The following ANKRD33B variants were observed in gnomAD, a reference collection of about 807,000 sequenced individuals.
ANKRD33B encodes the protein ankyrin repeat domain 33B.
A neutral mutation model predicts 21.5 loss-of-function variants in ANKRD33B; 6 were observed. That is an observed-to-expected ratio of 0.28 (90% CI 0.15 to 0.55). The LOEUF (loss-of-function observed/expected upper bound fraction) is 0.55. ANKRD33B is among the 20% of genes least tolerant of loss of function. The probability of loss-of-function intolerance (pLI) is 0.94; values close to 1 mark genes in which losing one functional copy is unlikely to be tolerated. For missense variants in ANKRD33B, 698 were observed against 747.2 expected, an observed-to-expected ratio of 0.93 and a Z score of 0.77; for synonymous variants, 347 against 342.4, an observed-to-expected ratio of 1.01 and a Z score of -0.15.
intron 2 of ANKRD33B, among the ~76,000 whole-genome samples, chr5:10,633,374 C>G (rs551588667): frequency 5.3e-5 from 8 of 152,374 alleles, no homozygotes; most frequent in Admixed American, 4.6e-4. Flanking sequence ...GCTGGGATTA[C>G]AGGCGTGCGC....
At chr5:10,593,049 T>C (rs13162290) in intron 1 of ANKRD33B, among the ~76,000 whole-genome samples, 136,200 of 152,168 alleles carry the variant, frequency 0.9, 60,988 homozygotes, top group Middle Eastern at 0.96. Context: ...CACCACCCCG[T>C]ATCCACCCCT....
chr5:10,569,607 A>AATAC (rs1217607573), intron 1 of ANKRD33B, among the ~76,000 whole-genome samples: 1 of 151,528 alleles, frequency 6.6e-6, no homozygotes, highest in African/African-American at 2.4e-5. Flanking sequence ...AAAATAAATA[A>AATAC]ATAAATAAAT....
chr5:10,569,405 T>G (rs1043208078), intron 1 of ANKRD33B, among the ~76,000 whole-genome samples: 1 of 152,096 alleles, frequency 6.6e-6, no homozygotes, highest in African/African-American at 2.4e-5. Flanking sequence ...GAGAACAGCC[T>G]GGGCAACATG....
At chr5:10,574,081 C>G (rs1162356387) in intron 1 of ANKRD33B, among the ~76,000 whole-genome samples, 2 of 152,268 alleles carry the variant, frequency 1.3e-5, no homozygotes, top group African/African-American at 4.8e-5. Flanking sequence ...TTTACACACG[C>G]ACAAACATGC....
At chr5:10,601,709 T>C (rs1460171491) in intron 1 of ANKRD33B, among the ~76,000 whole-genome samples, 1 of 152,200 alleles carries the variant, frequency 6.6e-6, no homozygotes, top group Non-Finnish European at 1.5e-5. Flanking sequence ...GGTGCAGCCC[T>C]CCTCCCTGCG....
chr5:10,640,021 GCGA>G (rs1338487697), intron 3 of ANKRD33B, among the ~76,000 whole-genome samples: 1 of 88,052 alleles, frequency 1.1e-5, no homozygotes, highest in Non-Finnish European at 2.6e-5. Flanking sequence ...GAGTTGCGCG[GCGA>G]TGTTAGCGGG....
At chr5:10,581,862 G>C (rs1560963234) in intron 1 of ANKRD33B, among the ~76,000 whole-genome samples, 1 of 152,170 alleles carries the variant, frequency 6.6e-6, no homozygotes, top group Non-Finnish European at 1.5e-5. Flanking sequence ...TTTTGGACTT[G>C]CCAGCCCCCA....
chr5:10,633,250 C>T (rs543049178), intron 2 of ANKRD33B, among the ~76,000 whole-genome samples: 73 of 152,070 alleles, frequency 4.8e-4, no homozygotes, highest in African/African-American at 1.6e-3. Flanking sequence ...TACAGGTGCA[C>T]GCCACCACGC....
intron 1 of ANKRD33B, among the ~76,000 whole-genome samples, chr5:10,589,010 C>T (rs369825276): frequency 3.0e-4 from 45 of 152,268 alleles, no homozygotes; most frequent in East Asian, 2.5e-3. Flanking sequence ...GCAGTCTTCA[C>T]GCAGCTCCTG....
At chr5:10,592,488 G>C (rs1263302881) in intron 1 of ANKRD33B, among the ~76,000 whole-genome samples, 1 of 149,472 alleles carries the variant, frequency 6.7e-6, no homozygotes, top group Non-Finnish European at 1.5e-5. Context: ...TTAGGTGGAC[G>C]TGGTGGCGGC....
intron 1 of ANKRD33B, among the ~76,000 whole-genome samples, chr5:10,591,733 T>C (rs886916543): frequency 6.6e-6 from 1 of 152,184 alleles, no homozygotes; most frequent in African/African-American, 2.4e-5. Flanking sequence ...TTTGCTATTT[T>C]TTGGTTTTTC....
chr5:10,646,932 G>A (rs112891450), intron 3 of ANKRD33B, among the ~76,000 whole-genome samples: 6 of 152,322 alleles, frequency 3.9e-5, no homozygotes, highest in African/African-American at 1.4e-4. Context: ...ACCTTCCTCA[G>A]TTCAGCACAC....
Position 10,576,824 on chromosome 5 carries a change from T to TA in ANKRD33B, c.366+11995dup, listed in dbSNP as rs1735330729. 6.6e-6 allele frequency among the ~76,000 whole-genome samples: 1 copy of TA among 152,178 alleles called. No individual in the cohort carries two copies. The highest frequency in any genetic ancestry group is 1.5e-5 in the Non-Finnish European group (1 of 68,024). On this transcript the variant is annotated intron_variant, in intron 1 of 3. Coordinates refer to ENST00000296657, the MANE Select transcript of ANKRD33B (RefSeq NM_001164440.2). The surrounding 1 kb of genome is among the most constrained non-coding windows in gnomAD (Gnocchi z 4.1). ...ATGGTGAGGCCTCTTTTGTAACTGT[T>TA]AAAAGTGGCAGCCAGTGCCATGGGG...
At position 10,638,043 on chromosome 5, in the gene ANKRD33B, C is replaced by G; in HGVS notation, c.512C>G (p.Thr171Ser). 1.3e-6 allele frequency: 2 copies of G among 1,537,692 alleles called. No homozygotes were observed. The highest frequency in any genetic ancestry group is 1.7e-6 in the Non-Finnish European group (2 of 1,146,970). The change falls in exon 3 of 4, where the codon ACT (threonine) becomes AGT (serine). Residue 171 changes from threonine (T) to serine (S), a missense_variant. Thr to Ser is a moderately conservative substitution (Grantham distance 58, BLOSUM62 1). This residue lies in a region of ANKRD33B where 543 missense variants were observed against 566.5 expected (regional missense o/e 0.96). Transcript: ENST00000296657. ...TAAQAGHAII[T>S]NYLLNYFPGL... ...CTCTTTACAGGGCACGCTATCATCA[C>G]TAACTACTTGTTGAACTATTTCCCT...
intron 1 of ANKRD33B, among the ~76,000 whole-genome samples, chr5:10,606,756 T>C (rs1273747978): frequency 1.4e-5 from 2 of 143,598 alleles, no homozygotes; most frequent in Admixed American, 7.1e-5. Flanking sequence ...TGAGGTGGAG[T>C]CTTGCTCTGT....
intron 1 of ANKRD33B, 146 bp from the exon 2 acceptor site, chr5:10,618,187 A>G: frequency 1.8e-6 from 2 of 1,119,998 alleles, no homozygotes; most frequent in South Asian, 3.1e-5. Flanking sequence ...CTCACTCTAA[A>G]CCATCTCTGA....
At chr5:10,575,411 C>T (rs1455896990) in intron 1 of ANKRD33B, among the ~76,000 whole-genome samples, 4 of 7,976 alleles carry the variant, frequency 5.0e-4, no homozygotes, top group South Asian at 0.025. Context: ...GGCAACAGAG[C>T]GAGACTGTCT....
Position 10,649,817 on chromosome 5 carries a change from G to T in ANKRD33B, c.1189G>T (p.Ala397Ser). The change falls in exon 4 of 4, where the codon GCA becomes TCA. Residue 397 changes from alanine to serine, a missense_variant. Around this residue, in one of 3 missense-constraint regions of ANKRD33B, gnomAD observed 543 missense variants for 566.5 expected, o/e 0.96. Coordinates refer to ENST00000296657, the MANE Select transcript of ANKRD33B (RefSeq NM_001164440.2). Reference sequence around the variant, plus strand: ...TCCCGCCCTGGGGTCCCGGGGCCCCGCAGCGCCCGCCCCGCGGAAGGCCAG... The same window carrying T: ...TCCCGCCCTGGGGTCCCGGGGCCCCTCAGCGCCCGCCCCGCGGAAGGCCAG... ...LPPALGSRGP[A>S]APAPRKASLL... 7.2e-7 allele frequency: 1 copy of T among 1,384,362 alleles called. No homozygotes were observed. The highest frequency in any genetic ancestry group is 9.3e-7 in the Non-Finnish European group (1 of 1,074,304). The allele number at this position is 1,384,362 out of a possible 1,614,324, so 85.8% of individuals were successfully genotyped here. A position where few individuals can be genotyped will look rare whatever the true frequency, so the allele number is the denominator to read the frequency against.
chr5:10,654,655 T>C lies in ANKRD33B; in HGVS notation c.*4542T>C, dbSNP rs1737440354. The C allele has an allele frequency of 6.6e-6, 1 of 152,374 alleles. No homozygotes were observed. The highest frequency in any genetic ancestry group is 1.5e-5 in the Non-Finnish European group (1 of 68,078). 9.4% of individuals were successfully genotyped at this position (152,374 alleles called of 1,614,324 possible). A position where few individuals can be genotyped will look rare whatever the true frequency, so the allele number is the denominator to read the frequency against. ...TGCTTCAGTCCCTCTGAGTTGCCTC[T>C]TCTGGATGGAACGTGTGTATCAACA... On this transcript the variant is annotated 3_prime_UTR_variant, in exon 4 of 4. Transcript: ENST00000296657.
Sources: allele counts gnomAD v4.1 joint callset (sites outside exome capture counted in the v4.1 genomes callset), GRCh38; gene constraint gnomAD v4.1.1; regional missense constraint gnomAD v4.1.1; non-coding constraint Gnocchi (gnomAD v3.1); transcripts MANE v1.5; gene names NCBI Gene and HGNC (gene_info 2026-07-23, HGNC 2026-07-21).